Variants in ZFHX3 observed in about 807,000 individuals in gnomAD.
ZFHX3 encodes the protein zinc finger homeobox 3, also known as zinc finger homeobox protein 3.
Under a neutral mutation model 279.1 loss-of-function variants are expected in ZFHX3, and 42 were observed. That is an observed-to-expected ratio of 0.15 (90% CI 0.12 to 0.19). ZFHX3 has a LOEUF of 0.19. Ranked by LOEUF, ZFHX3 falls within the 10% of genes least tolerant of loss-of-function variation. The pLI is 1.00. For synonymous variants in ZFHX3, 2,293 were observed against 1,957.8 expected (o/e 1.17, Z -4.52); for missense variants, 4,981 against 4,754.0 (o/e 1.05, Z -1.40).
At chr16:73,596,535 C>T (rs375726839) in intron 2 of ZFHX3, among the ~76,000 whole-genome samples, 47 of 152,278 alleles carry the variant, frequency 3.1e-4, no homozygotes, top group African/African-American at 1.0e-3. Context: ...TCAGCCTTCC[C>T]TGATGGCCCT....
chr16:72,892,997 G>A (rs73590764), intron 3 of ZFHX3, among the ~76,000 whole-genome samples: 9,338 of 152,094 alleles, frequency 0.061, 456 homozygotes, highest in African/African-American at 0.13. Context: ...ACTACTCCCC[G>A]AGGCCCCTCA....
intron 3 of ZFHX3, among the ~76,000 whole-genome samples, chr16:73,331,963 A>G (rs1313780076): frequency 6.6e-6 from 1 of 152,190 alleles, no homozygotes; most frequent in African/African-American, 2.4e-5. Context: ...CACACACCCA[A>G]AGAAAAACAA....
At chr16:73,336,787 C>G (rs972872539) in intron 3 of ZFHX3, among the ~76,000 whole-genome samples, 2 of 152,160 alleles carry the variant, frequency 1.3e-5, no homozygotes, top group African/African-American at 4.8e-5. Flanking sequence ...AATCTGTTCT[C>G]TGCCGTCTTT....
At chr16:73,486,894 C>T (rs747572030) in intron 2 of ZFHX3, 6 of 455,160 alleles carry the variant, frequency 1.3e-5, no homozygotes, top group Non-Finnish European at 4.4e-6. Context: ...AAGAAATTCA[C>T]AGGTAACACT....
intron 1 of ZFHX3, chr16:73,015,443 T>C (rs548597158): frequency 2.9e-4 from 44 of 152,312 alleles, no homozygotes; most frequent in African/African-American, 1.0e-3. Flanking sequence ...GATTTATAAA[T>C]ATCCAAATTA....
chr16:73,465,071 C>T (rs542130766), intron 2 of ZFHX3, among the ~76,000 whole-genome samples: 2 of 152,306 alleles, frequency 1.3e-5, no homozygotes, highest in South Asian at 4.1e-4. Flanking sequence ...CGGCCAGCTG[C>T]TCTTGCTCAT....
chr16:73,875,852 C>T (rs773325913), intron 1 of ZFHX3, among the ~76,000 whole-genome samples: 16 of 152,308 alleles, frequency 1.1e-4, no homozygotes, highest in Admixed American at 1.0e-3. Flanking sequence ...TGTTATCAAT[C>T]CACCTACACC....
chr16:73,091,013 C>G (rs1966071817), intron 8 of ZFHX3, among the ~76,000 whole-genome samples: 1 of 151,330 alleles, frequency 6.6e-6, no homozygotes, highest in Non-Finnish European at 1.5e-5. Flanking sequence ...AGATAAAGAC[C>G]ATCCTGGCTA....
chr16:73,600,925 A>G (rs573395092), intron 2 of ZFHX3, among the ~76,000 whole-genome samples: 1 of 151,916 alleles, frequency 6.6e-6, no homozygotes, highest in East Asian at 1.9e-4. Context: ...TATTCTTTAC[A>G]CCTAGCATAA....
chr16:73,693,569 G>T (rs2053168710), intron 1 of ZFHX3, among the ~76,000 whole-genome samples: 2 of 152,088 alleles, frequency 1.3e-5, no homozygotes, highest in East Asian at 3.9e-4. Flanking sequence ...TGAAGGATAA[G>T]AGGAAAGTTG....
At chr16:73,278,157 T>C (rs529756040) in intron 4 of ZFHX3, among the ~76,000 whole-genome samples, 3 of 152,310 alleles carry the variant, frequency 2.0e-5, no homozygotes, top group Non-Finnish European at 4.4e-5. Flanking sequence ...TTTCCATTAA[T>C]TTGGTAAATG....
At chr16:73,743,238 A>G (rs1323100305) in intron 1 of ZFHX3, among the ~76,000 whole-genome samples, 1 of 152,214 alleles carries the variant, frequency 6.6e-6, no homozygotes, top group Non-Finnish European at 1.5e-5. Context: ...CCAACTGTGT[A>G]CCAGCCAGGC....
chr16:73,398,864 T>TTC (rs397842516), intron 3 of ZFHX3, among the ~76,000 whole-genome samples: 1 of 103,906 alleles, frequency 9.6e-6, no homozygotes, highest in African/African-American at 3.5e-5. Flanking sequence ...TGGTTTTTTT[T>TTC]GTTTTGTTTT....
intron 5 of ZFHX3, among the ~76,000 whole-genome samples, chr16:73,200,432 C>T (rs566367708): frequency 2.6e-5 from 4 of 151,968 alleles, no homozygotes; most frequent in African/African-American, 4.8e-5. Context: ...TTAATATTAT[C>T]GAATAATCAT....
At chr16:73,013,137 G>T (rs1317756274) in intron 1 of ZFHX3, among the ~76,000 whole-genome samples, 1 of 152,136 alleles carries the variant, frequency 6.6e-6, no homozygotes, top group Non-Finnish European at 1.5e-5. Flanking sequence ...GCAGAGAGGA[G>T]GCCACCATCC....
At chr16:73,731,535 T>C (rs1242385147) in intron 1 of ZFHX3, among the ~76,000 whole-genome samples, 1 of 151,828 alleles carries the variant, frequency 6.6e-6, no homozygotes, top group Non-Finnish European at 1.5e-5. Context: ...GTTATTGTGA[T>C]CGGAACAAAA....
At chr16:73,026,948 G>T (rs1026456537) in intron 1 of ZFHX3, among the ~76,000 whole-genome samples, 3 of 152,188 alleles carry the variant, frequency 2.0e-5, no homozygotes, top group Non-Finnish European at 4.4e-5. Flanking sequence ...TTCCCATAAA[G>T]AGCCATGTAA....
intron 3 of ZFHX3, chr16:73,386,948 C>T (rs1179330341): frequency 6.6e-6 from 1 of 152,092 alleles, no homozygotes; most frequent in Non-Finnish European, 1.5e-5. Context: ...CTCGCATAAC[C>T]TAGGAATTCT....
intron 3 of ZFHX3, among the ~76,000 whole-genome samples, chr16:73,337,211 A>T (rs2015930567): frequency 6.6e-6 from 1 of 152,038 alleles, no homozygotes; most frequent in Non-Finnish European, 1.5e-5. Flanking sequence ...AATCTGACCC[A>T]ACCTTCCATC....
Sources: allele counts gnomAD v4.1 joint callset (sites outside exome capture counted in the v4.1 genomes callset), GRCh38; gene constraint gnomAD v4.1.1; transcripts MANE v1.5; gene names NCBI Gene and HGNC (gene_info 2026-07-23, HGNC 2026-07-21).